NHSL2: variants seen among roughly 807,000 people sequenced by gnomAD.
The protein encoded by NHSL2 is NHS like 2.
Under a neutral mutation model 53.4 loss-of-function variants are expected in NHSL2, and 27 were observed. The observed-to-expected ratio is 0.51, with a 90% CI of 0.37 to 0.70. NHSL2 has a LOEUF of 0.70. Ranked by LOEUF, NHSL2 falls within the 30% of genes least tolerant of loss-of-function variation. The pLI is 0.00. For missense variants in NHSL2, 892 were observed against 980.1 expected (o/e 0.91, Z 1.20); for synonymous variants, 408 against 404.1 (o/e 1.01, Z -0.12).
chrX:72,047,850 A>C (rs1283465395), intron 1 of NHSL2, among the ~76,000 whole-genome samples: 1 of 110,814 alleles, frequency 9.0e-6, no homozygotes, highest in Non-Finnish European at 1.9e-5. Context: ...TGGGAAGCCA[A>C]GAGTGTCAGG....
intron 1 of NHSL2, among the ~76,000 whole-genome samples, chrX:71,974,487 G>A (rs2041939807): frequency 8.9e-6 from 1 of 112,354 alleles, no homozygotes; most frequent in Non-Finnish European, 1.9e-5. Context: ...CTGATCCCTG[G>A]AGCAGCAGAA....
intron 1 of NHSL2, among the ~76,000 whole-genome samples, chrX:72,116,225 A>G (rs2042137763): frequency 8.9e-6 from 1 of 111,858 alleles, no homozygotes; most frequent in Non-Finnish European, 1.9e-5. Context: ...AGTAAGGGCT[A>G]TATATATATA....
chrX:72,006,965 A>G (rs899226448), intron 1 of NHSL2, among the ~76,000 whole-genome samples: 4 of 112,491 alleles, frequency 3.6e-5, no homozygotes, highest in Non-Finnish European at 7.5e-5. Flanking sequence ...TGGACAAGAA[A>G]GTGGGGCTGA....
intron 1 of NHSL2, among the ~76,000 whole-genome samples, chrX:72,054,732 T>C (rs1266408104): frequency 8.9e-6 from 1 of 111,785 alleles, no homozygotes; most frequent in Non-Finnish European, 1.9e-5. Flanking sequence ...GCTTAGAAAG[T>C]CTTGCCTCCT....
At position 72,143,774 on chromosome X, in the gene NHSL2, T is replaced by C; in HGVS notation, c.*200T>C. 1 of 356,298 alleles carries C rather than the reference T, an allele frequency of 2.8e-6. No homozygotes were observed. The highest frequency in any genetic ancestry group is 4.9e-6 in the Non-Finnish European group (1 of 205,205). 29.4% of individuals were successfully genotyped at this position (356,298 alleles called of 1,213,427 possible). On this transcript the variant is annotated 3_prime_UTR_variant, in exon 8 of 8. Coordinates refer to ENST00000633930, the MANE Select transcript of NHSL2 (RefSeq NM_001013627.3). ...TTAATCATCTTCAGACATTTTTATG[T>C]TTTCATACTTATAAGCTTGTCATGA...
At chrX:71,950,056 G>A (rs750649544) in intron 1 of NHSL2, among the ~76,000 whole-genome samples, 8 of 113,525 alleles carry the variant, frequency 7.0e-5, no homozygotes, top group African/African-American at 2.6e-4. Context: ...CTGAGCATGC[G>A]CTTTCGCATT....
At chrX:71,916,582 T>C (rs893518583) in intron 1 of NHSL2, among the ~76,000 whole-genome samples, 1 of 111,593 alleles carries the variant, frequency 9.0e-6, no homozygotes, top group African/African-American at 3.3e-5. Flanking sequence ...ATCTCATTCC[T>C]GACCACATCA....
intron 1 of NHSL2, among the ~76,000 whole-genome samples, chrX:72,037,184 C>T (rs996553444): frequency 2.7e-5 from 3 of 112,194 alleles, no homozygotes; most frequent in Non-Finnish European, 3.8e-5. Flanking sequence ...CTTTGGGAGG[C>T]TGAGGCAGGC....
intron 1 of NHSL2, among the ~76,000 whole-genome samples, chrX:72,041,381 G>A (rs2042273513): frequency 8.9e-6 from 1 of 112,284 alleles, no homozygotes; most frequent in Non-Finnish European, 1.9e-5. Context: ...GGGAACAGCT[G>A]CTGCTGAGCT....
chrX:71,926,125 C>T (rs1189269105), intron 1 of NHSL2, among the ~76,000 whole-genome samples: 2 of 111,689 alleles, frequency 1.8e-5, no homozygotes, highest in Admixed American at 1.9e-4. Context: ...AATTAACTAG[C>T]ATTTTTGCCT....
At chrX:71,947,768 A>G (rs2041799884) in intron 1 of NHSL2, among the ~76,000 whole-genome samples, 2 of 112,376 alleles carry the variant, frequency 1.8e-5, no homozygotes, top group Admixed American at 1.9e-4. Flanking sequence ...GTTGGAGACC[A>G]TTATTCTAAG....
At chrX:72,134,372 C>G (rs2042336481) in intron 3 of NHSL2, 137 bp from the exon 4 acceptor site, 1 of 847,212 alleles carries the variant, frequency 1.2e-6, no homozygotes, top group East Asian at 3.4e-5. Flanking sequence ...ACAGCAGGTG[C>G]CTGGCCTGGT....
chrX:72,057,766 G>T (rs776790080), intron 1 of NHSL2, among the ~76,000 whole-genome samples: 6 of 111,883 alleles, frequency 5.4e-5, no homozygotes, highest in Non-Finnish European at 9.4e-5. Flanking sequence ...TCATGAGGTT[G>T]ATTTTTGCAC....
At position 72,146,237 on chromosome X, in the gene NHSL2, TAAAC is replaced by T. The variant is rs2042462860; in HGVS notation, c.*2666_*2669del. Reference sequence around the variant, plus strand: ...TTTTGCAACAGGTAGACGTCCCAAATAAACAACCAAACTGTAAAATTTCTACTAA... The same window carrying T: ...TTTTGCAACAGGTAGACGTCCCAAATAACCAAACTGTAAAATTTCTACTAA... On this transcript the variant is annotated 3_prime_UTR_variant, in exon 8 of 8. Transcript: ENST00000633930. The T allele has an allele frequency of 8.9e-6, 1 of 111,779 alleles. No individual in the cohort carries two copies. The highest frequency in any genetic ancestry group is 1.9e-5 in the Non-Finnish European group (1 of 53,159). The allele number at this position is 111,779 out of a possible 1,213,427, so 9.2% of individuals were successfully genotyped here.
intron 1 of NHSL2, among the ~76,000 whole-genome samples, chrX:72,122,058 T>C (rs7471609): frequency 0.54 from 60,411 of 111,503 alleles, 15,107 homozygotes; most frequent in Non-Finnish European, 0.78. Context: ...GATCACAAAA[T>C]TTAAAAAATA....
Position 72,140,056 on chromosome X carries a change from C to A in NHSL2, c.2508C>A (p.Val836=). 1 of 1,209,503 alleles carries A rather than the reference C, an allele frequency of 8.3e-7. No individual in the cohort carries two copies. Among genetic ancestry groups the A allele is most frequent in the South Asian group, 1.8e-5 (1 of 56,523 alleles). ...SDLRSVRLRS[V]SKSEPEDDIE... ...TACGTTCTGTTCGCCTGAGGTCGGT[C>A]AGCAAGTCTGAGCCGGAAGATGATA... The change falls in exon 6 of 8, where the codon GTC becomes GTA. Residue 836 remains valine, a synonymous_variant. Transcript: ENST00000633930.
At chrX:71,988,268 C>G (rs969997691) in intron 1 of NHSL2, among the ~76,000 whole-genome samples, 8 of 111,719 alleles carry the variant, frequency 7.2e-5, no homozygotes, top group Admixed American at 1.9e-4. Context: ...TCTTTTCCAG[C>G]ATTCCCATCA....
At position 71,999,055 on chromosome X, in the gene NHSL2, T is replaced by G. The variant is rs753812151; in HGVS notation, c.280+87688T>G. On this transcript the variant is annotated intron_variant, in intron 1 of 7. Coordinates refer to ENST00000633930, the MANE Select transcript of NHSL2 (RefSeq NM_001013627.3). Reference sequence around the variant, plus strand: ...TCAAGACTCAGCTCACACATCATCTTACATGAGAAGCCTCCCTCAACCTCC... The same window carrying G: ...TCAAGACTCAGCTCACACATCATCTGACATGAGAAGCCTCCCTCAACCTCC... 1.1e-3 allele frequency among the ~76,000 whole-genome samples: 121 copies of G among 112,464 alleles called. 1 individual carries two copies. The highest frequency in any genetic ancestry group is 1.7e-3 in the Non-Finnish European group (93 of 53,223).
chrX:71,947,083 C>T (rs925391923), intron 1 of NHSL2, among the ~76,000 whole-genome samples: 2 of 112,176 alleles, frequency 1.8e-5, no homozygotes, highest in African/African-American at 6.5e-5. Flanking sequence ...CACCCTCTAC[C>T]TGGGCACTCC....
Sources: allele counts gnomAD v4.1 joint callset (sites outside exome capture counted in the v4.1 genomes callset), GRCh38; gene constraint gnomAD v4.1.1; transcripts MANE v1.5; gene names NCBI Gene and HGNC (gene_info 2026-07-23, HGNC 2026-07-21).